Variants in REDIC1 observed in about 807,000 individuals in gnomAD.
The protein encoded by REDIC1 is regulator of DNA class I crossover intermediates 1.
chr12:39,647,982 C>A, the REDIC1 span: 6 of 1,493,044 alleles, frequency 4.0e-6, no homozygotes, highest in East Asian at 1.5e-4. Context: ...GACCAGGTAC[C>A]TTTGAATCAT....
the REDIC1 span, among the ~76,000 whole-genome samples, chr12:39,717,930 AT>A: frequency 1.3e-5 from 2 of 148,354 alleles, no homozygotes; most frequent in African/African-American, 4.9e-5. Context: ...TAGCTCTTTA[AT>A]TTTTCTAACC....
At chr12:39,875,120 C>G in the REDIC1 span, among the ~76,000 whole-genome samples, 2 of 152,170 alleles carry the variant, frequency 1.3e-5, no homozygotes, top group African/African-American at 4.8e-5. Context: ...GACTTTAAAA[C>G]AAAACACATT....
the REDIC1 span, among the ~76,000 whole-genome samples, chr12:39,690,821 G>A: frequency 6.6e-6 from 1 of 152,114 alleles, no homozygotes; most frequent in Non-Finnish European, 1.5e-5. Context: ...TTGCCATCCT[G>A]GAGGATGGAG....
the REDIC1 span, among the ~76,000 whole-genome samples, chr12:39,862,760 T>C: frequency 6.6e-6 from 1 of 152,216 alleles, no homozygotes; most frequent in African/African-American, 2.4e-5. Context: ...ATGGGGTACA[T>C]GTCATATTTT....
the REDIC1 span, among the ~76,000 whole-genome samples, chr12:39,815,369 A>C: frequency 6.6e-6 from 1 of 152,232 alleles, no homozygotes; most frequent in African/African-American, 2.4e-5. Context: ...TTTTTCAAAC[A>C]GACTGGCCTT....
chr12:39,677,334 TAAAAAAGAC>T, the REDIC1 span, among the ~76,000 whole-genome samples: 3 of 151,806 alleles, frequency 2.0e-5, no homozygotes. Flanking sequence ...CAAAAACAGT[TAAAAAAGAC>T]AAAGAAGGAC....
At chr12:39,634,394 G>C in the REDIC1 span, among the ~76,000 whole-genome samples, 3 of 152,080 alleles carry the variant, frequency 2.0e-5, no homozygotes, top group East Asian at 5.8e-4. Flanking sequence ...ATACTACAAG[G>C]CTACAGTAAC....
chr12:39,896,484 A>G, the REDIC1 span, among the ~76,000 whole-genome samples: 192 of 140,512 alleles, frequency 1.4e-3, 8 homozygotes, highest in African/African-American at 3.6e-3. Context: ...GTATATGTGT[A>G]TATATGTACA....
the REDIC1 span, among the ~76,000 whole-genome samples, chr12:39,698,902 TAAAC>T: frequency 6.6e-6 from 1 of 151,948 alleles, no homozygotes; most frequent in East Asian, 1.9e-4. Flanking sequence ...AAACCACAAA[TAAAC>T]ACCTTAGCTA....
the REDIC1 span, among the ~76,000 whole-genome samples, chr12:39,684,523 T>A: frequency 6.6e-6 from 1 of 152,216 alleles, no homozygotes; most frequent in Non-Finnish European, 1.5e-5. Context: ...ATTGGCAAAT[T>A]TGTATTTTTG....
the REDIC1 span, among the ~76,000 whole-genome samples, chr12:39,831,212 T>C: frequency 9.9e-5 from 15 of 152,242 alleles, no homozygotes; most frequent in African/African-American, 3.6e-4. Flanking sequence ...TAATGGAAAC[T>C]GGGTATGAGC....
At chr12:39,633,116 A>C in the REDIC1 span, among the ~76,000 whole-genome samples, 1 of 151,954 alleles carries the variant, frequency 6.6e-6, no homozygotes, top group Non-Finnish European at 1.5e-5. Flanking sequence ...TTTAGGGTAC[A>C]TGTACACAAC....
chr12:39,646,538 A>G, the REDIC1 span: 1 of 1,364,900 alleles, frequency 7.3e-7, no homozygotes, highest in Non-Finnish European at 9.9e-7. Context: ...TCGAAAATGT[A>G]TAAAATACTT....
the REDIC1 span, chr12:39,716,869 A>G: frequency 1.4e-6 from 2 of 1,391,270 alleles, no homozygotes; most frequent in East Asian, 2.5e-5. Flanking sequence ...TTATTAATAC[A>G]TGCTATATTA....
At chr12:39,626,497 T>C in the REDIC1 span, 3 of 1,092,312 alleles carry the variant, frequency 2.7e-6, no homozygotes, top group East Asian at 2.5e-5. Context: ...CCAAATCGGG[T>C]TGGAGACTCT....
the REDIC1 span, chr12:39,684,894 C>A: frequency 1.9e-6 from 3 of 1,612,362 alleles, no homozygotes; most frequent in Non-Finnish European, 2.5e-6. Flanking sequence ...AAGAATTGCA[C>A]TCTAAGCAGT....
the REDIC1 span, among the ~76,000 whole-genome samples, chr12:39,799,927 C>G: frequency 6.6e-6 from 1 of 152,142 alleles, no homozygotes; most frequent in Non-Finnish European, 1.5e-5. Context: ...CTGTCAGAAT[C>G]CTTAGAGTAA....
chr12:39,634,701 A>G, the REDIC1 span, among the ~76,000 whole-genome samples: 85 of 152,318 alleles, frequency 5.6e-4, no homozygotes, highest in African/African-American at 1.8e-3. Flanking sequence ...AACCTAGGCA[A>G]TACCATTCAG....
chr12:39,765,009 T>G, the REDIC1 span: 1 of 879,926 alleles, frequency 1.1e-6, no homozygotes, highest in Non-Finnish European at 1.7e-6. Flanking sequence ...ATATACAGTA[T>G]TAGATATGCG....
Sources: allele counts gnomAD v4.1 joint callset (sites outside exome capture counted in the v4.1 genomes callset), GRCh38; gene constraint gnomAD v4.1.1; transcripts MANE v1.5; gene names NCBI Gene and HGNC (gene_info 2026-07-23, HGNC 2026-07-21).